Variants in MED26 observed in about 807,000 individuals in gnomAD.
MED26 encodes mediator of RNA polymerase II transcription subunit 26.
A neutral mutation model predicts 43.7 loss-of-function variants in MED26; 7 were observed. That is an observed-to-expected ratio of 0.16 (90% CI 0.09 to 0.30). The LOEUF (loss-of-function observed/expected upper bound fraction) is 0.30. Among genes scored for constraint, MED26 ranks in the 10% least tolerant of loss-of-function variants. The pLI, the probability that MED26 is intolerant of heterozygous loss-of-function variation, is 1.00. For synonymous variants in MED26, 375 were observed against 371.1 expected (o/e 1.01, Z -0.12); for missense variants, 784 against 840.6 (o/e 0.93, Z 0.83).
At chr19:16,606,478 G>A (rs1224548404) in intron 1 of MED26, among the ~76,000 whole-genome samples, 2 of 152,200 alleles carry the variant, frequency 1.3e-5, no homozygotes, top group Non-Finnish European at 2.9e-5. Flanking sequence ...GAACCCGGGA[G>A]GCAGAGGTTG....
At chr19:16,580,941 C>T (rs1228872615) in intron 1 of MED26, among the ~76,000 whole-genome samples, 2 of 152,182 alleles carry the variant, frequency 1.3e-5, no homozygotes, top group Non-Finnish European at 2.9e-5. Flanking sequence ...TCACATCTGT[C>T]ATGTACGGTA....
At chr19:16,616,568 CAGT>C (rs1363154968) in intron 1 of MED26, among the ~76,000 whole-genome samples, 2 of 152,110 alleles carry the variant, frequency 1.3e-5, no homozygotes, top group Non-Finnish European at 2.9e-5. Context: ...GTCTACAGAG[CAGT>C]AGATCATGGC....
chr19:16,592,568 T>A (rs2086102759), intron 1 of MED26, among the ~76,000 whole-genome samples: 1 of 152,084 alleles, frequency 6.6e-6, no homozygotes, highest in Admixed American at 6.5e-5. Flanking sequence ...CCAAACAAAG[T>A]TCAGCAGCAG....
intron 1 of MED26, among the ~76,000 whole-genome samples, chr19:16,605,775 C>G: frequency 6.6e-6 from 1 of 152,186 alleles, no homozygotes; most frequent in Non-Finnish European, 1.5e-5. Context: ...GACAGGCAGA[C>G]TCCATGGCAC....
At chr19:16,618,396 G>C (rs1233203473) in intron 1 of MED26, among the ~76,000 whole-genome samples, 1 of 152,168 alleles carries the variant, frequency 6.6e-6, no homozygotes, top group African/African-American at 2.4e-5. Flanking sequence ...TCCAGCCCAG[G>C]ACAGGATCTG....
intron 1 of MED26, chr19:16,578,717 T>A: frequency 2.8e-6 from 1 of 359,728 alleles, no homozygotes; most frequent in East Asian, 6.3e-5. Context: ...GAGCTGCTCC[T>A]GATACTTAAG....
intron 1 of MED26, among the ~76,000 whole-genome samples, chr19:16,592,163 C>A (rs1465439992): frequency 6.6e-6 from 1 of 152,220 alleles, no homozygotes; most frequent in African/African-American, 2.4e-5. Flanking sequence ...TCCCTGGTAA[C>A]ACTCCTGGCA....
At chr19:16,616,749 T>C (rs970066579) in intron 1 of MED26, among the ~76,000 whole-genome samples, 6 of 152,090 alleles carry the variant, frequency 3.9e-5, no homozygotes, top group African/African-American at 1.2e-4. Context: ...CCGAAGACCG[T>C]GAGCAGTGCT....
chr19:16,601,238 C>T (rs914773247), intron 1 of MED26, among the ~76,000 whole-genome samples: 8 of 152,008 alleles, frequency 5.3e-5, no homozygotes, highest in Admixed American at 1.3e-4. Context: ...TCACCACAAC[C>T]TCTGCTTCCT....
chr19:16,597,811 G>C (rs757695226), intron 1 of MED26, among the ~76,000 whole-genome samples: 15 of 152,082 alleles, frequency 9.9e-5, no homozygotes, highest in Admixed American at 9.8e-4. Flanking sequence ...CAACCTCTGC[G>C]TCCCAGGCTC....
rs1485505220 is a variant in MED26 at position 16,587,068 on chromosome 19, T to A, written c.73-8659A>T. 2 of 152,126 alleles carry A rather than the reference T, an allele frequency of 1.3e-5. No individual in the cohort carries two copies. The highest frequency in any genetic ancestry group is 2.9e-5 in the Non-Finnish European group (2 of 68,024). 9.4% of individuals were successfully genotyped at this position (152,126 alleles called of 1,614,324 possible). On this transcript the variant is annotated intron_variant, in intron 1 of 2. Coordinates refer to ENST00000263390, the MANE Select transcript of MED26 (RefSeq NM_004831.5). The surrounding 1 kb of genome is among the most constrained non-coding windows in gnomAD (Gnocchi z 4.9). ...CCAGAAACAGACAGTCTGCCTTCAA[T>A]GTGCTAAGCATTCTAATGCCGTCCG...
At chr19:16,580,402 CTT>C (rs1000656990) in intron 1 of MED26, among the ~76,000 whole-genome samples, 4 of 151,418 alleles carry the variant, frequency 2.6e-5, no homozygotes, top group African/African-American at 4.9e-5. Context: ...AAGTTTCACT[CTT>C]GTCGCCCAGG....
chr19:16,576,604 T>C lies in MED26; in HGVS notation c.1226A>G (p.Gln409Arg). 1 of 1,614,256 alleles carries C rather than the reference T, an allele frequency of 6.2e-7. No individual in the cohort carries two copies. The highest frequency in any genetic ancestry group is 1.1e-5 in the South Asian group (1 of 91,092). Residue 409 changes from glutamine to arginine, a missense_variant, in exon 3 of 3, where the codon CAG becomes CGG. Gln to Arg is a conservative substitution (Grantham distance 43, BLOSUM62 1). This residue lies in a region of MED26 where 719 missense variants were observed against 730.9 expected (regional missense o/e 0.98). Coordinates refer to ENST00000263390, the MANE Select transcript of MED26 (RefSeq NM_004831.5). The surrounding 1 kb of genome is among the most constrained non-coding windows in gnomAD (Gnocchi z 6.8). ...PRDYTVNLDG[Q>R]VAEAGVKPVR... ...AGGCTTGACGCCCGCCTCAGCCACCTGCCCGTCCAAGTTAACCGTATAGTC... is the reference window on the plus strand; with the variant it reads ...AGGCTTGACGCCCGCCTCAGCCACCCGCCCGTCCAAGTTAACCGTATAGTC...
intron 1 of MED26, among the ~76,000 whole-genome samples, chr19:16,595,330 A>G (rs1444798719): frequency 6.6e-6 from 1 of 152,174 alleles, no homozygotes; most frequent in African/African-American, 2.4e-5. Context: ...CACCGAGGGA[A>G]GCAAGAAGGG....
intron 1 of MED26, among the ~76,000 whole-genome samples, chr19:16,625,642 G>A (rs923615149): frequency 2.0e-5 from 3 of 152,054 alleles, no homozygotes; most frequent in Non-Finnish European, 1.5e-5. Flanking sequence ...CGGCACGCCG[G>A]CAGCACCTGT....
intron 1 of MED26, among the ~76,000 whole-genome samples, chr19:16,619,925 T>A (rs1424010858): frequency 6.6e-6 from 1 of 152,136 alleles, no homozygotes; most frequent in East Asian, 1.9e-4. Flanking sequence ...CCATGTTTTG[T>A]CACATGACCA....
At position 16,621,315 on chromosome 19, in the gene MED26, C is replaced by A. The variant is rs915227710; in HGVS notation, c.72+6557G>T. On this transcript the variant is annotated intron_variant, in intron 1 of 2. Coordinates refer to ENST00000263390, the MANE Select transcript of MED26 (RefSeq NM_004831.5). ...AGTAATTCAAAGAAGCAATGAGACA[C>A]TCCACACAGTAGTGTCTGGCACTGT... is the stretch of plus-strand genomic sequence containing the variant. Among the ~76,000 whole-genome samples, 3 of 152,240 alleles carry A rather than the reference C, an allele frequency of 2.0e-5. No individual in the cohort carries two copies. The East Asian group carries it at 5.8e-4, about 29-fold the overall frequency.
At chr19:16,579,804 T>C (rs1335561457) in intron 1 of MED26, among the ~76,000 whole-genome samples, 1 of 152,248 alleles carries the variant, frequency 6.6e-6, no homozygotes, top group Non-Finnish European at 1.5e-5. Flanking sequence ...CCAGCCACTG[T>C]AGCATTTCCT....
intron 1 of MED26, among the ~76,000 whole-genome samples, chr19:16,590,606 T>C (rs1447302276): frequency 2.0e-5 from 3 of 152,254 alleles, no homozygotes; most frequent in African/African-American, 7.2e-5. Context: ...GTTATCTGCC[T>C]CCCTTGCTTT....
Sources: gnomAD v4.1 joint callset for allele counts (sites outside exome capture counted in the v4.1 genomes callset) on GRCh38, gnomAD v4.1.1 for gene constraint, gnomAD v4.1.1 regional missense constraint, Gnocchi (gnomAD v3.1) non-coding constraint, MANE v1.5 for transcripts, NCBI Gene and HGNC (gene_info 2026-07-23, HGNC 2026-07-21) for gene names.